RAB3IP: variants seen among roughly 807,000 people sequenced by gnomAD.
The protein encoded by RAB3IP is rab-3A-interacting protein.
Under a neutral mutation model 59.1 loss-of-function variants are expected in RAB3IP, and 36 were observed. That is an observed-to-expected ratio of 0.61 (90% CI 0.47 to 0.80). The LOEUF is 0.80. Among genes scored for constraint, RAB3IP ranks in the 30% least tolerant of loss-of-function variants. The pLI, the probability that RAB3IP is intolerant of heterozygous loss-of-function variation, is 0.00. For synonymous variants in RAB3IP, 207 were observed against 191.2 expected (o/e 1.08, Z -0.68); for missense variants, 511 against 536.0 (o/e 0.95, Z 0.46).
intron 1 of RAB3IP, among the ~76,000 whole-genome samples, chr12:69,745,606 TGA>T: frequency 6.6e-6 from 1 of 152,378 alleles, no homozygotes; most frequent in African/African-American, 2.4e-5. Flanking sequence ...TTTGTCTTTG[TGA>T]AAGTAAGAGA....
At chr12:69,803,948 G>T (rs1451243966) in intron 8 of RAB3IP, among the ~76,000 whole-genome samples, 2 of 152,104 alleles carry the variant, frequency 1.3e-5, no homozygotes, top group African/African-American at 2.4e-5. Flanking sequence ...GAATAGTGCC[G>T]CAATAAACAT....
chr12:69,784,693 C>G (rs1490417614), intron 3 of RAB3IP, 27 bp from the exon 4 acceptor site: 1 of 1,415,948 alleles, frequency 7.1e-7, no homozygotes, highest in Non-Finnish European at 9.9e-7. Flanking sequence ...TATGGAGATC[C>G]AAAATAAAAT....
intron 3 of RAB3IP, among the ~76,000 whole-genome samples, chr12:69,771,955 A>G (rs1565892853): frequency 6.6e-6 from 1 of 152,058 alleles, no homozygotes; most frequent in Non-Finnish European, 1.5e-5. Context: ...AGAAATGTTT[A>G]TTCAGGTCTT....
At chr12:69,742,347 T>C (rs181468548) in intron 1 of RAB3IP, among the ~76,000 whole-genome samples, 2 of 152,332 alleles carry the variant, frequency 1.3e-5, no homozygotes, top group Admixed American at 1.3e-4. Flanking sequence ...TCTGAGCTTT[T>C]GTAAACTGCT....
At chr12:69,763,907 C>T (rs989983118) in intron 3 of RAB3IP, among the ~76,000 whole-genome samples, 1 of 152,226 alleles carries the variant, frequency 6.6e-6, no homozygotes, top group African/African-American at 2.4e-5. Flanking sequence ...TAGCCTCCAG[C>T]TGCATCAGTG....
rs967433482 is a variant in RAB3IP, at chr12:69,739,751, C to T, written c.-26+720C>T. ...CATGGCTCTGCCCTCCCAGCGTTGA[C>T]AACTCGCCCCGACCGCCCAGGAAGC... On this transcript the variant is annotated intron_variant, in intron 1 of 10. Transcript: ENST00000247833. The T allele has an allele frequency of 3.7e-6, 5 of 1,358,330 alleles. No individual in the cohort carries two copies. The African/African-American group carries it at 4.3e-5, about 12-fold the overall frequency. The allele number at this position is 1,358,330 out of a possible 1,614,324, so 84.1% of individuals were successfully genotyped here.
chr12:69,802,091 C>A (rs1412279038), intron 8 of RAB3IP, among the ~76,000 whole-genome samples: 2 of 151,210 alleles, frequency 1.3e-5, no homozygotes, highest in Non-Finnish European at 2.9e-5. Context: ...TTTTTAACCT[C>A]ATATTGTGAC....
At chr12:69,792,047 TAAGC>T (rs771924011) in intron 4 of RAB3IP, among the ~76,000 whole-genome samples, 1 of 152,128 alleles carries the variant, frequency 6.6e-6, no homozygotes, top group Admixed American at 6.5e-5. Flanking sequence ...CTAAGTGAAA[TAAGC>T]AAGACAGAAA....
In RAB3IP at chr12:69,755,471, C is replaced by T; in HGVS notation, c.63C>T (p.Asp21=). 1.9e-6 allele frequency: 3 copies of T among 1,614,090 alleles called. No individual in the cohort carries two copies. The highest frequency in any genetic ancestry group is 2.2e-5 in the East Asian group (1 of 44,874). Residue 21 remains aspartate (D), a synonymous_variant, in exon 2 of 11, where the codon GAC becomes GAT. Coordinates refer to ENST00000247833, the MANE Select transcript of RAB3IP (RefSeq NM_022456.5). ...ACCTTGCTTCACCTACTTCTCCGGA[C>T]CTTCTTGGTGTGTATGAATCAGGAA... ...EVNLASPTSP[D]LLGVYESGTQ...
intron 3 of RAB3IP, among the ~76,000 whole-genome samples, chr12:69,766,853 T>A (rs2136161466): frequency 6.6e-6 from 1 of 152,288 alleles, no homozygotes; most frequent in East Asian, 1.9e-4. Context: ...TTTGAATATG[T>A]TTATTTCTTC....
chr12:69,771,404 G>C (rs1873090332), intron 3 of RAB3IP, among the ~76,000 whole-genome samples: 1 of 152,022 alleles, frequency 6.6e-6, no homozygotes, highest in South Asian at 2.1e-4. Flanking sequence ...GTGCATGCCT[G>C]TGTTCCCAGC....
intron 8 of RAB3IP, among the ~76,000 whole-genome samples, chr12:69,810,172 C>G (rs1880188268): frequency 6.6e-6 from 1 of 152,192 alleles, no homozygotes; most frequent in African/African-American, 2.4e-5. Context: ...ACTCCGGACC[C>G]TGTTTGCCTA....
intron 3 of RAB3IP, among the ~76,000 whole-genome samples, chr12:69,771,597 T>C (rs1873128862): frequency 6.6e-6 from 1 of 152,298 alleles, no homozygotes; most frequent in African/African-American, 2.4e-5. Flanking sequence ...TTGAGAATAG[T>C]GCTGCGGTAA....
At chr12:69,811,156 C>T (rs1053810609) in intron 8 of RAB3IP, among the ~76,000 whole-genome samples, 1 of 152,166 alleles carries the variant, frequency 6.6e-6, no homozygotes, top group African/African-American at 2.4e-5. Flanking sequence ...GCTGCCTGTT[C>T]TCCCTTATAA....
intron 3 of RAB3IP, among the ~76,000 whole-genome samples, chr12:69,781,302 G>C (rs895575639): frequency 1.4e-4 from 21 of 151,922 alleles, no homozygotes; most frequent in Non-Finnish European, 2.9e-5. Context: ...CTCCACACAC[G>C]CACAGCATCC....
Position 69,800,298 on chromosome 12 carries a change from G to A in RAB3IP, c.978G>A (p.Gln326=). Residue 326 remains glutamine, a synonymous_variant, in exon 7 of 11, where the codon CAG becomes CAA. Transcript: ENST00000247833. ...GTCCTTTCTTAGACAAAATCTACCA[G>A]GAAGATATCTTTCCATGTTTAACAT... ...RTCPFLDKIY[Q]EDIFPCLTFS... 1 of 1,592,846 alleles carries A rather than the reference G, an allele frequency of 6.3e-7. No individual in the cohort carries two copies. The highest frequency in any genetic ancestry group is 8.6e-7 in the Non-Finnish European group (1 of 1,168,238).
intron 1 of RAB3IP, among the ~76,000 whole-genome samples, chr12:69,752,854 A>G (rs1005801965): frequency 3.3e-5 from 5 of 152,238 alleles, no homozygotes; most frequent in Non-Finnish European, 7.3e-5. Context: ...TCAAGTGAAA[A>G]TGAATTATGT....
Position 69,821,444 on chromosome 12 carries a change from C to G in RAB3IP, c.*5998C>G, listed in dbSNP as rs993312727. 4 of 152,166 alleles carry G rather than the reference C, an allele frequency of 2.6e-5. No homozygotes were observed. The highest frequency in any genetic ancestry group is 7.2e-5 in the African/African-American group (3 of 41,434). The allele number at this position is 152,166 out of a possible 1,614,324, so 9.4% of individuals were successfully genotyped here. ...CTATTTCCAGCAGCTGGATTGTGCT[C>G]TCAGTGGAGTGCTCTGGATTCTGAT... On this transcript the variant is annotated 3_prime_UTR_variant, in exon 11 of 11. Coordinates refer to ENST00000247833, the MANE Select transcript of RAB3IP (RefSeq NM_022456.5).
intron 3 of RAB3IP, among the ~76,000 whole-genome samples, chr12:69,770,457 AC>A (rs1371502341): frequency 1.2e-4 from 19 of 152,324 alleles, no homozygotes; most frequent in Non-Finnish European, 1.9e-4. Flanking sequence ...ATTGTCTTAT[AC>A]AAATTTGTAT....
Sources: allele counts gnomAD v4.1 joint callset (sites outside exome capture counted in the v4.1 genomes callset), GRCh38; gene constraint gnomAD v4.1.1; transcripts MANE v1.5; gene names NCBI Gene and HGNC (gene_info 2026-07-23, HGNC 2026-07-21).